The following HTR1F variants were observed in gnomAD, a reference collection of about 807,000 sequenced individuals.
HTR1F encodes 5-hydroxytryptamine receptor 1F, also known as 5-hydroxytryptamine (serotonin) receptor 1F, G protein-coupled.
Under a neutral mutation model 24.0 loss-of-function variants are expected in HTR1F, and 17 were observed. The observed-to-expected ratio is 0.71, with a 90% CI of 0.48 to 1.06. The LOEUF (loss-of-function observed/expected upper bound fraction) is 1.06, where lower values mean the gene tolerates loss of function less well. Ranked by LOEUF, HTR1F falls within the 50% of genes least tolerant of loss-of-function variation. The pLI is 0.00. For missense variants in HTR1F, 391 were observed against 427.8 expected (o/e 0.91, Z 0.76); for synonymous variants, 186 against 156.8 (o/e 1.19, Z -1.39).
chr3:87,798,977 G>C (rs1017904070), intron 1 of HTR1F, among the ~76,000 whole-genome samples: 2 of 151,774 alleles, frequency 1.3e-5, no homozygotes, highest in African/African-American at 4.9e-5. Context: ...TTATGTTTTG[G>C]TCAAAGATCC....
At chr3:87,812,589 C>T (rs55682207) in intron 1 of HTR1F, among the ~76,000 whole-genome samples, 7,733 of 152,246 alleles carry the variant, frequency 0.051, 245 homozygotes, top group Middle Eastern at 0.092. Flanking sequence ...TTTCAACCTG[C>T]TGCAGAAATT....
At chr3:87,848,963 C>A (rs1356876130) in intron 2 of HTR1F, among the ~76,000 whole-genome samples, 1 of 151,310 alleles carries the variant, frequency 6.6e-6, no homozygotes, top group Non-Finnish European at 1.5e-5. Flanking sequence ...AAAGAGGATA[C>A]AAACAAATGG....
intron 2 of HTR1F, among the ~76,000 whole-genome samples, chr3:87,939,337 T>G (rs1401129538): frequency 6.6e-6 from 1 of 152,186 alleles, no homozygotes; most frequent in East Asian, 1.9e-4. Flanking sequence ...AAATTTTCTG[T>G]TTTTTGTTGT....
At chr3:87,808,478 T>C (rs2107089255) in intron 1 of HTR1F, among the ~76,000 whole-genome samples, 1 of 151,838 alleles carries the variant, frequency 6.6e-6, no homozygotes, top group South Asian at 2.1e-4. Context: ...TTTTTTCATA[T>C]CTGATTTTGC....
In HTR1F at chr3:87,993,159, TA is replaced by T. The variant is rs1436963281; in HGVS notation, c.*1311del. 1.8e-5 allele frequency: 3 copies of T among 166,902 alleles called. No homozygotes were observed. Among genetic ancestry groups the T allele is most frequent in the South Asian group, 4.1e-4 (2 of 4,824 alleles). 10.3% of individuals were successfully genotyped at this position (166,902 alleles called of 1,614,324 possible). A position where few individuals can be genotyped will look rare whatever the true frequency, so the allele number is the denominator to read the frequency against. On this transcript the variant is annotated 3_prime_UTR_variant, in exon 3 of 3. Coordinates refer to ENST00000319595, the MANE Select transcript of HTR1F (RefSeq NM_001322209.2). ...TTGAAAAACAATATATACCTTTTTT[TA>T]AGTTGTACATTTATGTGCATTGTAA... is the stretch of plus-strand genomic sequence containing the variant.
intron 2 of HTR1F, among the ~76,000 whole-genome samples, chr3:87,844,173 A>G (rs1348977014): frequency 6.6e-6 from 1 of 151,832 alleles, no homozygotes; most frequent in Non-Finnish European, 1.5e-5. Context: ...ATTTCTCCAC[A>G]TCCTCTCCAT....
chr3:87,957,074 G>A (rs556714593), intron 2 of HTR1F, among the ~76,000 whole-genome samples: 72 of 151,374 alleles, frequency 4.8e-4, no homozygotes, highest in South Asian at 4.4e-3. Context: ...GAAACAGGAC[G>A]TTAGGTGCAG....
At chr3:87,855,968 T>C (rs1299073230) in intron 2 of HTR1F, among the ~76,000 whole-genome samples, 2 of 152,038 alleles carry the variant, frequency 1.3e-5, no homozygotes, top group Admixed American at 1.3e-4. Flanking sequence ...ATGTTGGCAA[T>C]TGGGATTCAC....
intron 2 of HTR1F, among the ~76,000 whole-genome samples, chr3:87,879,028 G>A (rs780669589): frequency 2.0e-5 from 3 of 152,100 alleles, no homozygotes; most frequent in African/African-American, 4.8e-5. Flanking sequence ...ATTTTGATTT[G>A]TGCTATTTAA....
chr3:87,883,605 G>T (rs1306036517), intron 2 of HTR1F, among the ~76,000 whole-genome samples: 1 of 152,018 alleles, frequency 6.6e-6, no homozygotes, highest in African/African-American at 2.4e-5. Context: ...CTAGAAAAAA[G>T]ATTAGACAAA....
At chr3:87,971,119 G>A (rs1176363152) in intron 2 of HTR1F, among the ~76,000 whole-genome samples, 4 of 152,078 alleles carry the variant, frequency 2.6e-5, no homozygotes, top group African/African-American at 9.7e-5. Flanking sequence ...ACACATACAT[G>A]CTCACATATT....
intron 2 of HTR1F, among the ~76,000 whole-genome samples, chr3:87,967,917 C>G (rs946771953): frequency 2.0e-5 from 3 of 152,204 alleles, no homozygotes; most frequent in Non-Finnish European, 2.9e-5. Context: ...AACTTTGGAA[C>G]TGGGCAACAG....
intron 2 of HTR1F, among the ~76,000 whole-genome samples, chr3:87,930,473 A>G (rs1704235198): frequency 6.6e-6 from 1 of 152,192 alleles, no homozygotes; most frequent in African/African-American, 2.4e-5. Flanking sequence ...TACCCAGTCT[A>G]TTGAGAGTTT....
chr3:87,894,130 G>A (rs1161222397), intron 2 of HTR1F, among the ~76,000 whole-genome samples: 1 of 152,010 alleles, frequency 6.6e-6, no homozygotes, highest in Non-Finnish European at 1.5e-5. Flanking sequence ...CCTATCAGCT[G>A]AGCAGTATGC....
At chr3:87,831,528 A>G (rs1704580399) in intron 2 of HTR1F, among the ~76,000 whole-genome samples, 1 of 151,366 alleles carries the variant, frequency 6.6e-6, no homozygotes, top group African/African-American at 2.4e-5. Flanking sequence ...ACGCCCGGCT[A>G]ATTTTTTGTA....
chr3:87,944,946 CGGA>C (rs1489952300), intron 2 of HTR1F, among the ~76,000 whole-genome samples: 1 of 152,162 alleles, frequency 6.6e-6, no homozygotes, highest in Admixed American at 6.5e-5. Flanking sequence ...TACAGGGTCA[CGGA>C]GAAGACCTCC....
At chr3:87,849,609 G>A (rs1705033705) in intron 2 of HTR1F, among the ~76,000 whole-genome samples, 1 of 151,810 alleles carries the variant, frequency 6.6e-6, no homozygotes, top group Admixed American at 6.6e-5. Context: ...TTGACAAATG[G>A]GATCTAATTA....
intron 2 of HTR1F, among the ~76,000 whole-genome samples, chr3:87,888,954 G>C (rs1358239897): frequency 1.3e-5 from 2 of 152,184 alleles, no homozygotes; most frequent in African/African-American, 4.8e-5. Context: ...CCCATTGTTG[G>C]AGGTGGGACC....
intron 2 of HTR1F, among the ~76,000 whole-genome samples, chr3:87,939,354 G>T (rs1156874836): frequency 1.3e-5 from 2 of 152,168 alleles, no homozygotes; most frequent in Non-Finnish European, 2.9e-5. Context: ...TTGTGTCTCT[G>T]CCAGGTTTTG....
Sources: allele counts gnomAD v4.1 joint callset (sites outside exome capture counted in the v4.1 genomes callset), GRCh38; gene constraint gnomAD v4.1.1; transcripts MANE v1.5; gene names NCBI Gene and HGNC (gene_info 2026-07-23, HGNC 2026-07-21).